Variants in UBE3C observed in about 807,000 individuals in gnomAD.
The protein encoded by UBE3C is ubiquitin protein ligase E3C, also known as ubiquitin-protein ligase E3C.
Under a neutral mutation model 129.4 loss-of-function variants are expected in UBE3C, and 42 were observed. The ratio of observed to expected loss-of-function variants is 0.32; its 90% confidence interval spans 0.25 to 0.42. The LOEUF (loss-of-function observed/expected upper bound fraction) is 0.42, where lower values mean the gene tolerates loss of function less well. Among genes scored for constraint, UBE3C ranks in the 10% least tolerant of loss-of-function variants. The pLI is 1.00. For missense variants in UBE3C, 1,049 were observed against 1,319.1 expected, an observed-to-expected ratio of 0.80 and a Z score of 3.17; for synonymous variants, 510 against 492.4, an observed-to-expected ratio of 1.04 and a Z score of -0.47.
rs1809293389 is a variant in UBE3C, at chr7:157,201,803, A to G, written c.1414A>G (p.Thr472Ala). The G allele has an allele frequency of 6.2e-7, 1 of 1,608,468 alleles. No homozygotes were observed. The highest frequency in any genetic ancestry group is 8.5e-7 in the Non-Finnish European group (1 of 1,177,550). ...ATCTTCCATGTCAACACGGATGATC[A>G]CAGGGTATGTATTATACAGACTTAT... ...LISSMSTRMI[T>A]GSMVPLLQVI... Residue 472 changes from threonine to alanine, a missense_variant, in exon 11 of 23, where the codon ACA becomes GCA. By Grantham distance (58) the Thr-to-Ala change is moderately conservative. Transcript: ENST00000348165.
chr7:157,162,181 C>T (rs1808088595), intron 1 of UBE3C, among the ~76,000 whole-genome samples: 1 of 152,050 alleles, frequency 6.6e-6, no homozygotes, highest in African/African-American at 2.4e-5. Flanking sequence ...TAAAGTATAT[C>T]TCTTAAGATA....
intron 19 of UBE3C, among the ~76,000 whole-genome samples, chr7:157,252,439 C>T (rs757675495): frequency 1.4e-4 from 22 of 152,192 alleles, no homozygotes; most frequent in Non-Finnish European, 1.9e-4. Flanking sequence ...ATTGAAAGCC[C>T]ATTCTTAGGC....
chr7:157,198,187 T>C, intron 10 of UBE3C: 1 of 1,598,138 alleles, frequency 6.3e-7, no homozygotes, highest in Non-Finnish European at 8.6e-7. Context: ...TGTAGCTGAT[T>C]TTCTCCATGC....
chr7:157,168,128 G>A (rs1808267327), intron 2 of UBE3C, among the ~76,000 whole-genome samples: 1 of 151,848 alleles, frequency 6.6e-6, no homozygotes, highest in African/African-American at 2.4e-5. Flanking sequence ...AGGGCTGGAG[G>A]ATCATGAGGT....
intron 18 of UBE3C, among the ~76,000 whole-genome samples, chr7:157,245,730 C>G (rs972194676): frequency 6.6e-6 from 1 of 152,222 alleles, no homozygotes; most frequent in African/African-American, 2.4e-5. Context: ...TATGCCGGCT[C>G]TAGTTATCAG....
intron 1 of UBE3C, among the ~76,000 whole-genome samples, chr7:157,143,702 G>C (rs1197747344): frequency 6.6e-6 from 1 of 152,134 alleles, no homozygotes; most frequent in African/African-American, 2.4e-5. Context: ...TGAGGGCTGG[G>C]GTAGATTCTT....
At chr7:157,228,266 G>A (rs1030713274) in intron 17 of UBE3C, among the ~76,000 whole-genome samples, 10 of 152,230 alleles carry the variant, frequency 6.6e-5, no homozygotes, top group Admixed American at 3.3e-4. Flanking sequence ...GAGCAAAGAT[G>A]GGCTGGGGTT....
chr7:157,253,366 A>G (rs2116692306), intron 19 of UBE3C, among the ~76,000 whole-genome samples: 1 of 152,358 alleles, frequency 6.6e-6, no homozygotes, highest in African/African-American at 2.4e-5. Flanking sequence ...AAATTCTGTG[A>G]GTATAGCCAC....
chr7:157,242,981 G>C (rs1468359056), intron 18 of UBE3C, among the ~76,000 whole-genome samples: 1 of 152,036 alleles, frequency 6.6e-6, no homozygotes, highest in Non-Finnish European at 1.5e-5. Context: ...CTTGAAACCG[G>C]AAGGCAGAGA....
intron 19 of UBE3C, 89 bp from the exon 20 acceptor site, chr7:157,253,865 A>T: frequency 7.8e-7 from 1 of 1,278,206 alleles, no homozygotes; most frequent in Non-Finnish European, 1.1e-6. Context: ...ATCAAGTCCT[A>T]TTTCCTTAAA....
At chr7:157,188,978 A>G (rs7802642) in intron 10 of UBE3C, 134,325 of 640,390 alleles carry the variant, frequency 0.21, 15,576 homozygotes, top group East Asian at 0.43. Flanking sequence ...AGACCTTTGT[A>G]CCCTGACATG....
intron 22 of UBE3C, among the ~76,000 whole-genome samples, chr7:157,261,274 C>T (rs1796900716): frequency 7.9e-6 from 1 of 126,658 alleles, no homozygotes; most frequent in Non-Finnish European, 1.6e-5. Flanking sequence ...CCATTGCACT[C>T]CAGCCTGGGC....
At chr7:157,155,430 GT>G (rs988524025) in intron 1 of UBE3C, among the ~76,000 whole-genome samples, 1 of 151,854 alleles carries the variant, frequency 6.6e-6, no homozygotes, top group Non-Finnish European at 1.5e-5. Flanking sequence ...GTTTTTTGGG[GT>G]TTTTTTTAAA....
intron 1 of UBE3C, among the ~76,000 whole-genome samples, chr7:157,163,373 A>G (rs1489733533): frequency 7.0e-6 from 1 of 143,792 alleles, no homozygotes; most frequent in Non-Finnish European, 1.5e-5. Flanking sequence ...GGCGACAGAG[A>G]GAGAGACTCC....
Position 157,267,587 on chromosome 7 carries a change from G to A in UBE3C, c.3084G>A (p.Glu1028=), listed in dbSNP as rs1287376266. 1.2e-6 allele frequency: 2 copies of A among 1,612,774 alleles called. No homozygotes were observed. Among genetic ancestry groups the A allele is most frequent in the East Asian group, 2.2e-5 (1 of 44,796 alleles). The change falls in exon 23 of 23, where the codon GAG becomes GAA. Residue 1028 remains glutamate (E), a splice_region_variant and synonymous_variant. Transcript: ENST00000348165. ...CSRPPLLGFK[E]LYPAFCIHNG... Reference sequence around the variant, plus strand: ...CTTGCACACATGCTGTTTTTCAGGAGTTGTATCCCGCATTTTGTATTCACA... The same window carrying A: ...CTTGCACACATGCTGTTTTTCAGGAATTGTATCCCGCATTTTGTATTCACA...
intron 1 of UBE3C, among the ~76,000 whole-genome samples, chr7:157,157,987 T>C (rs10264936): frequency 1.2e-4 from 16 of 132,902 alleles, no homozygotes; most frequent in South Asian, 2.4e-4. Flanking sequence ...TATATATATA[T>C]AGAGAGAGAG....
chr7:157,188,952 G>A (rs757958852), intron 10 of UBE3C: 6 of 677,412 alleles, frequency 8.9e-6, no homozygotes, highest in South Asian at 3.3e-5. Flanking sequence ...TTGTCAGGGT[G>A]TACAAATGAA....
At chr7:157,211,622 A>G (rs1809598490) in intron 13 of UBE3C, among the ~76,000 whole-genome samples, 1 of 152,150 alleles carries the variant, frequency 6.6e-6, no homozygotes, top group Non-Finnish European at 1.5e-5. Context: ...ATGGAACACT[A>G]GGCATAAATG....
intron 1 of UBE3C, among the ~76,000 whole-genome samples, chr7:157,144,678 C>A (rs1807555514): frequency 7.8e-6 from 1 of 128,092 alleles, no homozygotes; most frequent in African/African-American, 3.7e-5. Flanking sequence ...AATGTTTGTC[C>A]AGTGCTTTTT....
Sources: gnomAD v4.1 joint callset for allele counts (sites outside exome capture counted in the v4.1 genomes callset) on GRCh38, gnomAD v4.1.1 for gene constraint, MANE v1.5 for transcripts, NCBI Gene and HGNC (gene_info 2026-07-23, HGNC 2026-07-21) for gene names.